Variants in THSD7B observed in about 807,000 individuals in gnomAD.
THSD7B encodes the protein thrombospondin type 1 domain containing 7B.
THSD7B carries 138 observed loss-of-function variants against 213.6 expected under a neutral mutation model. The ratio of observed to expected loss-of-function variants is 0.65; its 90% CI spans 0.56 to 0.74. The LOEUF is 0.74. THSD7B is among the 30% of genes least tolerant of loss of function. The pLI, the probability that THSD7B is intolerant of heterozygous loss-of-function variation, is 0.00. For missense variants in THSD7B, 1,931 were observed against 1,991.5 expected (o/e 0.97, Z 0.58); for synonymous variants, 742 against 687.0 (o/e 1.08, Z -1.25).
At chr2:137,275,780 G>A (rs1284555107) in intron 11 of THSD7B, 143 bp from the exon 12 acceptor site, 3 of 589,266 alleles carry the variant, frequency 5.1e-6, no homozygotes, top group South Asian at 4.8e-5. Flanking sequence ...TGCTTGCCAA[G>A]GCTTGGTTTT....
At chr2:136,884,665 C>A (rs1476748531) in intron 2 of THSD7B, among the ~76,000 whole-genome samples, 1 of 152,204 alleles carries the variant, frequency 6.6e-6, no homozygotes, top group Non-Finnish European at 1.5e-5. Context: ...TCATACTCTG[C>A]ACTGCTTTCT....
chr2:137,147,984 T>C (rs1390064041), intron 5 of THSD7B, among the ~76,000 whole-genome samples: 1 of 152,140 alleles, frequency 6.6e-6, no homozygotes, highest in Non-Finnish European at 1.5e-5. Context: ...ACTTACATTA[T>C]AGTGATGTTA....
intron 7 of THSD7B, among the ~76,000 whole-genome samples, chr2:137,175,846 A>G (rs1296380116): frequency 6.6e-6 from 1 of 152,202 alleles, no homozygotes; most frequent in Non-Finnish European, 1.5e-5. Context: ...TTAGATCTCA[A>G]AAATGTTCTT....
At chr2:136,898,142 T>C (rs974699352) in intron 2 of THSD7B, among the ~76,000 whole-genome samples, 4 of 152,220 alleles carry the variant, frequency 2.6e-5, no homozygotes, top group African/African-American at 9.6e-5. Context: ...GAAATCTAGC[T>C]GGCTTCACCT....
intron 13 of THSD7B, 121 bp from the exon 14 acceptor site, chr2:137,411,488 G>T: frequency 1.1e-6 from 1 of 929,634 alleles, no homozygotes; most frequent in South Asian, 2.1e-5. Flanking sequence ...ACAAAAGAGT[G>T]AAGAAAACAA....
At chr2:137,066,420 C>T (rs1423693482) in intron 3 of THSD7B, among the ~76,000 whole-genome samples, 1 of 151,942 alleles carries the variant, frequency 6.6e-6, no homozygotes, top group East Asian at 1.9e-4. Context: ...TCTTGAACTC[C>T]TGACCTTAAA....
At chr2:137,131,732 G>T (rs1259261387) in intron 5 of THSD7B, among the ~76,000 whole-genome samples, 1 of 152,128 alleles carries the variant, frequency 6.6e-6, no homozygotes, top group East Asian at 1.9e-4. Flanking sequence ...CTGTTCCATT[G>T]GTCTATATCT....
chr2:137,641,648 TC>T (rs1682939493), intron 20 of THSD7B, among the ~76,000 whole-genome samples: 1 of 152,184 alleles, frequency 6.6e-6, no homozygotes, highest in South Asian at 2.1e-4. Flanking sequence ...TGTAGGTTAT[TC>T]CATCACTATT....
At chr2:137,147,881 C>T (rs1679734846) in intron 5 of THSD7B, among the ~76,000 whole-genome samples, 2 of 152,040 alleles carry the variant, frequency 1.3e-5, no homozygotes. Context: ...TTTTAAACAT[C>T]CTTCTCCCTT....
intron 12 of THSD7B, among the ~76,000 whole-genome samples, chr2:137,321,965 T>A (rs1403371949): frequency 2.0e-5 from 3 of 152,170 alleles, no homozygotes; most frequent in Non-Finnish European, 4.4e-5. Context: ...CATTGAGACA[T>A]TATGGGGAAG....
At chr2:136,989,086 C>G (rs953955269) in intron 2 of THSD7B, among the ~76,000 whole-genome samples, 1 of 152,152 alleles carries the variant, frequency 6.6e-6, no homozygotes, top group African/African-American at 2.4e-5. Flanking sequence ...TCTCTAGGAG[C>G]AGATGGACAT....
chr2:136,968,500 A>C (rs1685354840), intron 2 of THSD7B, among the ~76,000 whole-genome samples: 1 of 152,018 alleles, frequency 6.6e-6, no homozygotes, highest in Non-Finnish European at 1.5e-5. Flanking sequence ...ATCTTTGTAT[A>C]TTCTTGGGAT....
intron 14 of THSD7B, among the ~76,000 whole-genome samples, chr2:137,435,745 A>G (rs763102274): frequency 2.2e-4 from 33 of 152,152 alleles, no homozygotes; most frequent in Admixed American, 2.6e-4. Flanking sequence ...AGGGATGGAT[A>G]CACAGGGAGC....
At chr2:137,511,040 C>A (rs184142509) in intron 15 of THSD7B, among the ~76,000 whole-genome samples, 1 of 152,088 alleles carries the variant, frequency 6.6e-6, no homozygotes, top group Non-Finnish European at 1.5e-5. Context: ...TCTTCTGTGA[C>A]TCTAATTGTA....
chr2:137,067,859 T>G (rs1687410095), intron 3 of THSD7B, among the ~76,000 whole-genome samples: 1 of 151,922 alleles, frequency 6.6e-6, no homozygotes, highest in South Asian at 2.1e-4. Context: ...TGAAGAAAAT[T>G]TTTTCTTATC....
intron 6 of THSD7B, among the ~76,000 whole-genome samples, chr2:137,170,043 G>C (rs1257763199): frequency 1.3e-5 from 2 of 152,036 alleles, no homozygotes; most frequent in African/African-American, 4.8e-5. Context: ...ATGTGTACCT[G>C]CTTGACTCCT....
chr2:137,633,904 G>A (rs1290939605), intron 20 of THSD7B, among the ~76,000 whole-genome samples: 1 of 152,094 alleles, frequency 6.6e-6, no homozygotes, highest in Non-Finnish European at 1.5e-5. Flanking sequence ...ACAATAAAAT[G>A]CCTTAAACAC....
chr2:137,460,520 CA>C (rs1195361930), intron 15 of THSD7B, among the ~76,000 whole-genome samples: 1 of 152,090 alleles, frequency 6.6e-6, no homozygotes, highest in Non-Finnish European at 1.5e-5. Context: ...CAAATATTTT[CA>C]TTGTAATGAT....
chr2:137,088,248 A>T (rs773519461), intron 3 of THSD7B, among the ~76,000 whole-genome samples: 3 of 149,944 alleles, frequency 2.0e-5, no homozygotes, highest in Non-Finnish European at 4.5e-5. Flanking sequence ...TCAAAAAAAT[A>T]AAAAAAAAAT....
Sources: allele counts gnomAD v4.1 joint callset (sites outside exome capture counted in the v4.1 genomes callset), GRCh38; gene constraint gnomAD v4.1.1; transcripts MANE v1.5; gene names NCBI Gene and HGNC (gene_info 2026-07-23, HGNC 2026-07-21).